WASF3: variants seen among roughly 807,000 people sequenced by gnomAD.
WASF3 encodes WASP family member 3.
Under a neutral mutation model 46.6 loss-of-function variants are expected in WASF3, and 11 were observed. That is an observed-to-expected ratio of 0.24 (90% CI 0.15 to 0.39). The LOEUF (loss-of-function observed/expected upper bound fraction) is 0.39. Among genes scored for constraint, WASF3 ranks in the 10% least tolerant of loss-of-function variants. The pLI is 1.00. For missense variants in WASF3, 576 were observed against 669.8 expected, an observed-to-expected ratio of 0.86 and a Z score of 1.55; for synonymous variants, 242 against 259.7, an observed-to-expected ratio of 0.93 and a Z score of 0.65.
intron 4 of WASF3, among the ~76,000 whole-genome samples, chr13:26,665,691 G>A (rs1566068256): frequency 6.6e-6 from 1 of 152,132 alleles, no homozygotes; most frequent in African/African-American, 2.4e-5. Flanking sequence ...TGTTAATGTC[G>A]ACAAGCATTG....
At chr13:26,554,013 C>CT (rs1285995253), upstream of WASF3, among the ~76,000 whole-genome samples, 8 of 116,646 alleles carry the variant, frequency 6.9e-5, no homozygotes, top group South Asian at 3.2e-4. Flanking sequence ...CTTTCCTTTC[C>CT]TTCCCTTCCT....
At chr13:26,632,081 A>G (rs1021335262) in intron 2 of WASF3, among the ~76,000 whole-genome samples, 2 of 152,144 alleles carry the variant, frequency 1.3e-5, no homozygotes, top group Non-Finnish European at 2.9e-5. Context: ...GGCTGAGACG[A>G]TGGGGTTTTC....
chr13:26,595,233 G>A (rs1347422856), intron 1 of WASF3, among the ~76,000 whole-genome samples: 3 of 152,164 alleles, frequency 2.0e-5, no homozygotes, highest in Non-Finnish European at 4.4e-5. Flanking sequence ...GTCTGATATT[G>A]TTTCCATTCA....
chr13:26,585,738 A>G (rs1880110433), intron 1 of WASF3, among the ~76,000 whole-genome samples: 1 of 152,270 alleles, frequency 6.6e-6, no homozygotes, highest in South Asian at 2.1e-4. Flanking sequence ...AAACCATATA[A>G]TGGTCTTACC....
rs1273401023 is a variant in WASF3 at position 26,627,578 on chromosome 13, A to T, written c.-11+14520A>T. On this transcript the variant is annotated intron_variant, in intron 2 of 9. Transcript: ENST00000335327. Reference sequence around the variant, plus strand: ...CATTGGGGTGGGCTGGGGGGACGTGAAATGTGGTAGGTGTTGTAGTAATGA... The same window carrying T: ...CATTGGGGTGGGCTGGGGGGACGTGTAATGTGGTAGGTGTTGTAGTAATGA... Among the ~76,000 whole-genome samples, 3 of 152,152 alleles carry T rather than the reference A, an allele frequency of 2.0e-5. No individual in the cohort carries two copies. The East Asian group carries it at 5.8e-4, about 29-fold the overall frequency.
Position 26,674,231 on chromosome 13 carries a change from C to T in WASF3, c.540+2242C>T, listed in dbSNP as rs75641294. 6.9e-3 allele frequency among the ~76,000 whole-genome samples: 1,045 copies of T among 152,314 alleles called. 10 individuals are homozygous for T. Among genetic ancestry groups the T allele is most frequent in the African/African-American group, 0.024 (1,006 of 41,560 alleles). On this transcript the variant is annotated intron_variant, in intron 6 of 9. Transcript: ENST00000335327. ...GAAGAAAGTTGCAAATATCATAACACTTCATCCCTGAATTTGTCAGCATGC... is the reference window on the plus strand; with the variant it reads ...GAAGAAAGTTGCAAATATCATAACATTTCATCCCTGAATTTGTCAGCATGC...
chr13:26,541,920 G>A, the WASF3 span, among the ~76,000 whole-genome samples: 1 of 152,154 alleles, frequency 6.6e-6, no homozygotes, highest in Non-Finnish European at 1.5e-5. Context: ...CCCCAGCCCT[G>A]AATGTACCCG....
rs563998619 is a variant in WASF3 at position 26,618,495 on chromosome 13, C to T, written c.-11+5437C>T. On this transcript the variant is annotated intron_variant, in intron 2 of 9. Coordinates refer to ENST00000335327, the MANE Select transcript of WASF3 (RefSeq NM_006646.6). ...CTCTCCCCACCGTCTCCCCCACCTC[C>T]GCCCCCCCGTCTCTTTCATACATGT... 8.7e-4 allele frequency among the ~76,000 whole-genome samples: 131 copies of T among 151,102 alleles called. 1 individual carries two copies. Among genetic ancestry groups the T allele is most frequent in the African/African-American group, 3.0e-3 (125 of 41,114 alleles).
intron 2 of WASF3, among the ~76,000 whole-genome samples, chr13:26,614,262 T>G (rs1486856288): frequency 2.6e-5 from 4 of 152,204 alleles, no homozygotes; most frequent in African/African-American, 9.7e-5. Context: ...ATAGGAAAAT[T>G]GAACTTGATT....
intron 1 of WASF3, among the ~76,000 whole-genome samples, chr13:26,560,414 ATTTC>A (rs1566034865): frequency 6.6e-6 from 1 of 151,914 alleles, no homozygotes; most frequent in African/African-American, 2.4e-5. Flanking sequence ...TCCTATTCCT[ATTTC>A]TTTCTTCAGA....
At chr13:26,579,092 C>G (rs1217888237) in intron 1 of WASF3, among the ~76,000 whole-genome samples, 1 of 137,218 alleles carries the variant, frequency 7.3e-6, no homozygotes, top group South Asian at 2.4e-4. Flanking sequence ...CCCCAAACTC[C>G]GGGCTCAGGT....
intron 1 of WASF3, chr13:26,577,188 A>G: frequency 4.0e-6 from 3 of 750,886 alleles, no homozygotes; most frequent in Admixed American, 1.8e-5. Flanking sequence ...CTTCCTTGGC[A>G]TGGATCTTAC....
At chr13:26,598,815 G>T (rs1028931227) in intron 1 of WASF3, among the ~76,000 whole-genome samples, 1 of 152,112 alleles carries the variant, frequency 6.6e-6, no homozygotes, top group Non-Finnish European at 1.5e-5. Context: ...ATACTCTTTC[G>T]ATGGCTTTCA....
chr13:26,587,617 G>A (rs941081200), intron 1 of WASF3, among the ~76,000 whole-genome samples: 1 of 152,152 alleles, frequency 6.6e-6, no homozygotes, highest in South Asian at 2.1e-4. Context: ...TTGAAATAAG[G>A]ATGTATATCT....
chr13:26,568,961 G>A (rs559518732), intron 1 of WASF3, among the ~76,000 whole-genome samples: 1 of 152,304 alleles, frequency 6.6e-6, no homozygotes, highest in East Asian at 1.9e-4. Context: ...AAACTTTGGA[G>A]GATGTCTGTA....
intron 2 of WASF3, among the ~76,000 whole-genome samples, chr13:26,636,506 A>G (rs998447599): frequency 6.6e-6 from 1 of 152,142 alleles, no homozygotes; most frequent in Non-Finnish European, 1.5e-5. Flanking sequence ...CTCGCCCTCC[A>G]TGGGCTGCAC....
chr13:26,604,942 A>G (rs1261958071), intron 1 of WASF3, among the ~76,000 whole-genome samples: 1 of 152,156 alleles, frequency 6.6e-6, no homozygotes, highest in East Asian at 1.9e-4. Context: ...GAATCCTGGT[A>G]TTTCATAACT....
Position 26,687,178 on chromosome 13 carries a change from TG to T in WASF3, c.*1334del, listed in dbSNP as rs1883432748. 1 of 152,226 alleles carries T rather than the reference TG, an allele frequency of 6.6e-6. No individual in the cohort carries two copies. The highest frequency in any genetic ancestry group is 2.4e-5 in the African/African-American group (1 of 41,434). The allele number at this position is 152,226 out of a possible 1,614,324, so 9.4% of individuals were successfully genotyped here. On this transcript the variant is annotated 3_prime_UTR_variant, in exon 10 of 10. Coordinates refer to ENST00000335327, the MANE Select transcript of WASF3 (RefSeq NM_006646.6). ...AATTCTGGATGAAAGATAACTGTGT[TG>T]AACAAACAGGTGCTCCAGGCTTTGA...
intron 3 of WASF3, among the ~76,000 whole-genome samples, chr13:26,656,487 A>G (rs1450035875): frequency 6.6e-6 from 1 of 152,184 alleles, no homozygotes; most frequent in East Asian, 1.9e-4. Flanking sequence ...AAAATAACAT[A>G]TAATTTCATG....
Sources: gnomAD v4.1 joint callset for allele counts (sites outside exome capture counted in the v4.1 genomes callset) on GRCh38, gnomAD v4.1.1 for gene constraint, MANE v1.5 for transcripts, NCBI Gene and HGNC (gene_info 2026-07-23, HGNC 2026-07-21) for gene names.